Variants in FRMD6 observed in about 807,000 individuals in gnomAD.
The protein encoded by FRMD6 is FERM domain containing 6, also known as FERM domain-containing protein 6.
FRMD6 carries 37 observed loss-of-function variants against 73.2 expected under a neutral mutation model. The observed-to-expected ratio is 0.51, with a 90% CI of 0.39 to 0.66. The LOEUF (loss-of-function observed/expected upper bound fraction) is 0.66. Ranked by LOEUF, FRMD6 falls within the 30% of genes least tolerant of loss-of-function variation. FRMD6 has a pLI of 0.00. For missense variants in FRMD6, 714 were observed against 780.5 expected (o/e 0.91, Z 1.02); for synonymous variants, 273 against 282.2 (o/e 0.97, Z 0.33).
chr14:51,606,924 G>C (rs541286660), intron 2 of FRMD6, among the ~76,000 whole-genome samples: 2 of 152,138 alleles, frequency 1.3e-5, no homozygotes, highest in African/African-American at 2.4e-5. Flanking sequence ...CAGACCAAAG[G>C]CTGGCGAGCC....
rs952407993 is a variant in FRMD6 at position 51,665,408 on chromosome 14, A to AT, written c.-147+13421dup. 4.6e-5 allele frequency among the ~76,000 whole-genome samples: 7 copies of AT among 151,222 alleles called. No individual in the cohort carries two copies. The East Asian group carries it at 5.8e-4, about 13-fold the overall frequency. On this transcript the variant is annotated intron_variant, in intron 1 of 13. Coordinates refer to ENST00000344768, the MANE Select transcript of FRMD6 (RefSeq NM_001267046.2). The stretch of plus-strand genomic sequence containing the variant: ...TTGCTAACCTTGTGTTTAGATACTT[A>AT]TTTTTTTTTCTCAGAGTTCCTTAAA...
chr14:51,524,503 T>C (rs1885126651), intron 1 of FRMD6, among the ~76,000 whole-genome samples: 1 of 151,772 alleles, frequency 6.6e-6, no homozygotes, highest in African/African-American at 2.4e-5. Flanking sequence ...GATTTGCTGT[T>C]CTTTCATATA....
intron 2 of FRMD6, among the ~76,000 whole-genome samples, chr14:51,696,846 G>C (rs1895973751): frequency 6.6e-6 from 1 of 151,804 alleles, no homozygotes; most frequent in Admixed American, 6.6e-5. Context: ...AGACTATTAA[G>C]AGGAAAGCTT....
At chr14:51,537,176 C>T (rs996183876) in intron 1 of FRMD6, among the ~76,000 whole-genome samples, 1 of 152,170 alleles carries the variant, frequency 6.6e-6, no homozygotes, top group South Asian at 2.1e-4. Context: ...AGTGCTTTTC[C>T]TATTCTTCCT....
At chr14:51,396,766 A>G in the FRMD6 span, among the ~76,000 whole-genome samples, 1 of 152,228 alleles carries the variant, frequency 6.6e-6, no homozygotes, top group African/African-American at 2.4e-5. Context: ...AGGCCAAATT[A>G]GTCAGCCAGA....
intron 2 of FRMD6, among the ~76,000 whole-genome samples, chr14:51,588,895 G>A (rs1889211996): frequency 6.6e-6 from 1 of 152,200 alleles, no homozygotes; most frequent in Non-Finnish European, 1.5e-5. Context: ...CATTTCTGGG[G>A]ACTGTGCGCC....
intron 10 of FRMD6, among the ~76,000 whole-genome samples, chr14:51,718,679 C>T (rs889047372): frequency 6.6e-6 from 1 of 152,296 alleles, no homozygotes; most frequent in East Asian, 1.9e-4. Flanking sequence ...ATGATATGTG[C>T]GTGGAGCTCT....
At chr14:51,544,185 G>A (rs552530305) in intron 1 of FRMD6, among the ~76,000 whole-genome samples, 3 of 151,704 alleles carry the variant, frequency 2.0e-5, no homozygotes, top group African/African-American at 2.4e-5. Context: ...AGATAAGAAC[G>A]CTTAAAAAAT....
intron 9 of FRMD6, among the ~76,000 whole-genome samples, chr14:51,713,105 C>T (rs1385836811): frequency 6.6e-6 from 1 of 151,646 alleles, no homozygotes; most frequent in Admixed American, 6.6e-5. Context: ...CAGCTATATC[C>T]GTTTTTTGGT....
chr14:51,557,450 C>T (rs1405531058), intron 1 of FRMD6, among the ~76,000 whole-genome samples: 1 of 151,968 alleles, frequency 6.6e-6, no homozygotes, highest in African/African-American at 2.4e-5. Context: ...CAGTCAAACT[C>T]AACTAGTGGG....
the FRMD6 span, among the ~76,000 whole-genome samples, chr14:51,438,370 G>A: frequency 6.6e-6 from 1 of 152,332 alleles, no homozygotes; most frequent in Middle Eastern, 3.4e-3. Context: ...TGGAAGGAAA[G>A]GAAAGATGAT....
At chr14:51,455,743 G>A in the FRMD6 span, among the ~76,000 whole-genome samples, 4 of 152,164 alleles carry the variant, frequency 2.6e-5, no homozygotes, top group South Asian at 2.1e-4. Context: ...CAAAGCAAAC[G>A]TCTGGGAATG....
At chr14:51,660,632 T>C (rs71422027) in intron 1 of FRMD6, among the ~76,000 whole-genome samples, 19,906 of 131,024 alleles carry the variant, frequency 0.15, 1,516 homozygotes, top group African/African-American at 0.17. Context: ...AAAAAAAAAA[T>C]TCTGCCTTCG....
intron 2 of FRMD6, among the ~76,000 whole-genome samples, chr14:51,579,458 C>T (rs1431978921): frequency 6.6e-6 from 1 of 152,096 alleles, no homozygotes; most frequent in Non-Finnish European, 1.5e-5. Flanking sequence ...CACTTGACAC[C>T]CCCTCATATC....
At chr14:51,613,293 A>C (rs1161376356) in intron 2 of FRMD6, among the ~76,000 whole-genome samples, 1 of 152,156 alleles carries the variant, frequency 6.6e-6, no homozygotes, top group South Asian at 2.1e-4. Context: ...CAAGAGACTG[A>C]TGGGTCTTAA....
chr14:51,458,494 G>A, the FRMD6 span, among the ~76,000 whole-genome samples: 1 of 152,204 alleles, frequency 6.6e-6, no homozygotes, highest in African/African-American at 2.4e-5. Flanking sequence ...GTCCTTTGAA[G>A]TTTGATAGAC....
chr14:51,400,224 T>G, the FRMD6 span, among the ~76,000 whole-genome samples: 1 of 152,214 alleles, frequency 6.6e-6, no homozygotes, highest in Non-Finnish European at 1.5e-5. Flanking sequence ...TTCCTTCTGT[T>G]TCTGTCTAAC....
the FRMD6 span, among the ~76,000 whole-genome samples, chr14:51,483,135 A>G: frequency 1.3e-5 from 2 of 152,214 alleles, no homozygotes; most frequent in Non-Finnish European, 2.9e-5. Flanking sequence ...GTTCAATTTT[A>G]TGAAGTGTTT....
At chr14:51,466,968 C>CT in the FRMD6 span, among the ~76,000 whole-genome samples, 1,280 of 147,138 alleles carry the variant, frequency 8.7e-3, 7 homozygotes, top group African/African-American at 0.024. Context: ...AGATTTATTC[C>CT]TTTTTTTTTT....
Sources: allele counts gnomAD v4.1 joint callset (sites outside exome capture counted in the v4.1 genomes callset), GRCh38; gene constraint gnomAD v4.1.1; transcripts MANE v1.5; gene names NCBI Gene and HGNC (gene_info 2026-07-23, HGNC 2026-07-21).